The following RBM38 variants were observed in gnomAD, a reference collection of about 807,000 sequenced individuals.
The protein encoded by RBM38 is RNA binding motif protein 38, also known as RNA-binding protein 38.
In RBM38, 11 loss-of-function variants were observed where a neutral mutation model predicts 23.5. That is an observed-to-expected ratio of 0.47 (90% CI 0.29 to 0.77). The LOEUF (loss-of-function observed/expected upper bound fraction) is 0.77, where lower values mean the gene tolerates loss of function less well. Ranked by LOEUF, RBM38 falls within the 30% of genes least tolerant of loss-of-function variation. The probability of loss-of-function intolerance (pLI) is 0.08; values close to 1 mark genes in which losing one functional copy is unlikely to be tolerated. For missense variants in RBM38, 330 were observed against 351.9 expected (o/e 0.94, Z 0.50); for synonymous variants, 165 against 166.1 (o/e 0.99, Z 0.05).
At position 57,398,086 on chromosome 20, in the gene RBM38, C is replaced by T. The variant is rs1483699590; in HGVS notation, c.416+4753C>T. ...ATAGCAGTGTGCCTGGGTTAGTGTC[C>T]TGGTTTTGCTCATGTCCTTAGTTAC... On this transcript the variant is annotated intron_variant, in intron 3 of 3. Transcript: ENST00000356208. Among the ~76,000 whole-genome samples, 4 of 152,266 alleles carry T rather than the reference C, an allele frequency of 2.6e-5. No homozygotes were observed. In the South Asian group the frequency reaches 6.2e-4, roughly 24 times the overall value.
chr20:57,399,423 C>G (rs111589898), intron 3 of RBM38, among the ~76,000 whole-genome samples: 1 of 152,072 alleles, frequency 6.6e-6, no homozygotes, highest in Non-Finnish European at 1.5e-5. Context: ...CACCAGCGGC[C>G]CTGGTGAGAT....
chr20:57,392,551 G>A (rs1022194589), intron 1 of RBM38, 103 bp from the exon 2 acceptor site: 1 of 1,512,966 alleles, frequency 6.6e-7, no homozygotes, highest in African/African-American at 1.4e-5. Context: ...CTCAGAGGAA[G>A]GGAAGAGAGG....
At chr20:57,392,274 CT>C (rs2146199384) in intron 1 of RBM38, 1 of 493,776 alleles carries the variant, frequency 2.0e-6, no homozygotes, top group East Asian at 5.7e-5. Context: ...CACTTTCCTG[CT>C]TACCTTCCAA....
At chr20:57,406,982 A>G (rs1373625520) in intron 3 of RBM38, among the ~76,000 whole-genome samples, 19 of 144,116 alleles carry the variant, frequency 1.3e-4, no homozygotes, top group Non-Finnish European at 1.9e-4. Context: ...GAACAGAGCG[A>G]GACTCTGTCT....
At position 57,391,635 on chromosome 20, in the gene RBM38, GGCC is replaced by G; in HGVS notation, c.58_60del (p.Ala20del). The G allele has an allele frequency of 6.8e-7, 1 of 1,460,170 alleles. No individual in the cohort carries two copies. The highest frequency in any genetic ancestry group is 9.1e-7 in the Non-Finnish European group (1 of 1,097,970). 90.5% of individuals were successfully genotyped at this position (1,460,170 alleles called of 1,614,324 possible). ...CGAGCGCGGGCTTCCCGCGGCCCCTGGCCGCCCCCGGCGCCATGCACGGCTCGC... is the reference window on the plus strand; with the variant it reads ...CGAGCGCGGGCTTCCCGCGGCCCCTGGCCCCCGGCGCCATGCACGGCTCGC... On this transcript the variant is annotated inframe_deletion, in exon 1 of 4. Coordinates refer to ENST00000356208, the MANE Select transcript of RBM38 (RefSeq NM_017495.6).
rs890424819 is a variant in RBM38, at chr20:57,391,656, C to T, written c.75C>T (p.His25=). 2.7e-6 allele frequency: 4 copies of T among 1,496,108 alleles called. No individual in the cohort carries two copies. The highest frequency in any genetic ancestry group is 3.6e-6 in the Non-Finnish European group (4 of 1,118,722). 92.7% of individuals were successfully genotyped at this position (1,496,108 alleles called of 1,614,324 possible). A position where few individuals can be genotyped will look rare whatever the true frequency, so the allele number is the denominator to read the frequency against. Residue 25 remains histidine, a synonymous_variant, in exon 1 of 4, where the codon CAC becomes CAT. Coordinates refer to ENST00000356208, the MANE Select transcript of RBM38 (RefSeq NM_017495.6). ...CCCTGGCCGCCCCCGGCGCCATGCA[C>T]GGCTCGCAGAAGGACACCACGTTCA... ...PRPLAAPGAM[H]GSQKDTTFTK...
In RBM38 at chr20:57,407,159, G is replaced by C. The variant is rs1010439366; in HGVS notation, c.417-384G>C. 6.6e-6 allele frequency among the ~76,000 whole-genome samples: 1 copy of C among 152,162 alleles called. No individual in the cohort carries two copies. On this transcript the variant is annotated intron_variant, in intron 3 of 3. Coordinates refer to ENST00000356208, the MANE Select transcript of RBM38 (RefSeq NM_017495.6). The surrounding 1 kb of genome is among the most constrained non-coding windows in gnomAD (Gnocchi z 4.0). Reference sequence around the variant, plus strand: ...TCCCAGACATGCAACCAGGACATTCGTACCGGGCCCTGCTCTTGATCGCAT... The same window carrying C: ...TCCCAGACATGCAACCAGGACATTCCTACCGGGCCCTGCTCTTGATCGCAT...
intron 1 of RBM38, chr20:57,392,397 G>A (rs1475738093): frequency 1.3e-6 from 2 of 1,516,206 alleles, no homozygotes; most frequent in African/African-American, 1.4e-5. Flanking sequence ...ATCCCCGCAG[G>A]GGATTATTTT....
At chr20:57,394,220 G>T (rs1555276) in intron 3 of RBM38, among the ~76,000 whole-genome samples, 2 of 151,550 alleles carry the variant, frequency 1.3e-5, no homozygotes, top group African/African-American at 4.8e-5. Flanking sequence ...ACGCATGTGC[G>T]CACCACGTAG....
chr20:57,392,832 G>A (rs748510835), intron 2 of RBM38, 55 bp downstream of exon 2: 3 of 1,588,762 alleles, frequency 1.9e-6, no homozygotes, highest in East Asian at 4.5e-5. Flanking sequence ...TTGGGTGTCG[G>A]TATCTGTCGG....
intron 3 of RBM38, among the ~76,000 whole-genome samples, chr20:57,399,250 G>A (rs1157075782): frequency 6.6e-6 from 1 of 152,168 alleles, no homozygotes; most frequent in African/African-American, 2.4e-5. Context: ...ACCGGACCAC[G>A]CAGGCTCCGA....
In RBM38 at chr20:57,407,827, A is replaced by C. The variant is rs1298942629; in HGVS notation, c.701A>C (p.Gln234Pro). The C allele has an allele frequency of 6.3e-7, 1 of 1,575,018 alleles. No individual in the cohort carries two copies. The highest frequency in any genetic ancestry group is 8.6e-7 in the Non-Finnish European group (1 of 1,163,940). The change falls in exon 4 of 4, where the codon CAG (glutamine) becomes CCG (proline). Residue 234 changes from glutamine to proline, a missense_variant. This residue lies in a region of RBM38 where 227 missense variants were observed against 216.4 expected (regional missense o/e 1.05). Coordinates refer to ENST00000356208, the MANE Select transcript of RBM38 (RefSeq NM_017495.6). This position sits in a 1 kb window ranked among gnomAD's most constrained non-coding sequence, Gnocchi z 4.0. The stretch of plus-strand genomic sequence containing the variant: ...GTGCAGTACCAGGCGCCGCAGCTGC[A>C]GCCTGACAGGATGCAGTGAGGGGCG... ...TFVQYQAPQL[Q>P]PDRMQ
intron 3 of RBM38, among the ~76,000 whole-genome samples, chr20:57,393,900 G>A (rs1343345748): frequency 2.0e-5 from 3 of 152,082 alleles, no homozygotes; most frequent in Non-Finnish European, 4.4e-5. Flanking sequence ...TTTACAAGCA[G>A]CGCAGCCCAC....
rs568124962 is a variant in RBM38 at position 57,396,480 on chromosome 20, C to T, written c.416+3147C>T. Among the ~76,000 whole-genome samples, 7 of 152,290 alleles carry T rather than the reference C, an allele frequency of 4.6e-5. No homozygotes were observed. In the East Asian group the frequency reaches 7.7e-4, roughly 17 times the overall value. ...TGTCTGTCCATTCTTGGGCTGAGGG[C>T]ACCGGGAGCAGAGGTTTGTCCTGGG... On this transcript the variant is annotated intron_variant, in intron 3 of 3. Transcript: ENST00000356208.
intron 3 of RBM38, among the ~76,000 whole-genome samples, chr20:57,402,291 G>A (rs926518344): frequency 6.6e-6 from 1 of 152,220 alleles, no homozygotes; most frequent in Non-Finnish European, 1.5e-5. Context: ...ATGGAGGCAG[G>A]TCTCCACCAC....
rs368821088 is a variant in RBM38, at chr20:57,406,919, G to T, written c.417-624G>T. Among the ~76,000 whole-genome samples, 3 of 152,074 alleles carry T rather than the reference G, an allele frequency of 2.0e-5. No homozygotes were observed. The East Asian group carries it at 5.8e-4, about 30-fold the overall frequency. ...TGAGGCAGGAGAATGGCGTGAACCCGGGTGGCGGAGCTTGCAGTGAGCGGA... is the reference window on the plus strand; with the variant it reads ...TGAGGCAGGAGAATGGCGTGAACCCTGGTGGCGGAGCTTGCAGTGAGCGGA... On this transcript the variant is annotated intron_variant, in intron 3 of 3. Coordinates refer to ENST00000356208, the MANE Select transcript of RBM38 (RefSeq NM_017495.6).
chr20:57,396,411 G>C (rs2067275357), intron 3 of RBM38, among the ~76,000 whole-genome samples: 6 of 152,234 alleles, frequency 3.9e-5, no homozygotes, highest in Admixed American at 3.3e-4. Flanking sequence ...TCTGTGTCCA[G>C]GCAGAGCTTA....
At chr20:57,399,141 A>G (rs1283902788) in intron 3 of RBM38, among the ~76,000 whole-genome samples, 1 of 152,080 alleles carries the variant, frequency 6.6e-6, no homozygotes, top group African/African-American at 2.4e-5. Flanking sequence ...TGGGGAGGGG[A>G]AGGGAGCAGC....
intron 2 of RBM38, 44 bp downstream of exon 2, chr20:57,392,821 A>G (rs1324655837): frequency 1.9e-6 from 3 of 1,601,020 alleles, no homozygotes; most frequent in South Asian, 2.2e-5. Flanking sequence ...CGGTTTCTAT[A>G]TTGGGTGTCG....
Sources: gnomAD v4.1 joint callset for allele counts (sites outside exome capture counted in the v4.1 genomes callset) on GRCh38, gnomAD v4.1.1 for gene constraint, gnomAD v4.1.1 regional missense constraint, Gnocchi (gnomAD v3.1) non-coding constraint, MANE v1.5 for transcripts, NCBI Gene and HGNC (gene_info 2026-07-23, HGNC 2026-07-21) for gene names.